DOCK8: variants seen among roughly 807,000 people sequenced by gnomAD.
DOCK8 encodes the protein dedicator of cytokinesis protein 8.
Under a neutral mutation model 245.6 loss-of-function variants are expected in DOCK8, and 141 were observed. That is an observed-to-expected ratio of 0.57 (90% confidence interval 0.50 to 0.66). The LOEUF (loss-of-function observed/expected upper bound fraction) is 0.66, where lower values mean the gene tolerates loss of function less well. Among genes scored for constraint, DOCK8 ranks in the 30% least tolerant of loss-of-function variants. DOCK8 has a pLI of 0.00. For missense variants in DOCK8, 2,965 were observed against 2,603.4 expected, an observed-to-expected ratio of 1.14 and a Z score of -3.02; for synonymous variants, 1,168 against 970.2, an observed-to-expected ratio of 1.20 and a Z score of -3.79.
At chr9:277,540 C>T (rs2048409151) in intron 2 of DOCK8, among the ~76,000 whole-genome samples, 1 of 140,804 alleles carries the variant, frequency 7.1e-6, no homozygotes, top group Admixed American at 7.1e-5. Flanking sequence ...GACCCTGTCT[C>T]AGAGGAAAGG....
At chr9:295,881 A>G (rs1020853275) in intron 4 of DOCK8, among the ~76,000 whole-genome samples, 2 of 152,236 alleles carry the variant, frequency 1.3e-5, no homozygotes, top group African/African-American at 4.8e-5. Flanking sequence ...TAATTGAGAC[A>G]TTTAAATCAT....
intron 40 of DOCK8, among the ~76,000 whole-genome samples, chr9:439,922 G>A (rs536739560): frequency 5.9e-5 from 9 of 152,232 alleles, no homozygotes; most frequent in South Asian, 4.2e-4. Context: ...TCTGGTTAAC[G>A]TAATCTGGAT....
At chr9:376,871 T>C (rs1034686919) in intron 19 of DOCK8, 106 bp from the exon 20 acceptor site, 3 of 1,018,996 alleles carry the variant, frequency 2.9e-6, no homozygotes, top group Admixed American at 2.0e-5. Context: ...TCTGAAACGC[T>C]GGATAAGAGG....
At chr9:403,564 T>C (rs373835540) in intron 26 of DOCK8, among the ~76,000 whole-genome samples, 7 of 152,158 alleles carry the variant, frequency 4.6e-5, no homozygotes, top group African/African-American at 1.7e-4. Context: ...TCTTGTAAAA[T>C]GGCTGAAAAT....
intron 43 of DOCK8, among the ~76,000 whole-genome samples, chr9:444,375 T>C (rs1196125823): frequency 1.0e-5 from 1 of 100,428 alleles, no homozygotes; most frequent in Non-Finnish European, 2.5e-5. Context: ...TTTGGGAGTT[T>C]CTATGATACC....
At chr9:308,453 A>G (rs553818204) in intron 5 of DOCK8, among the ~76,000 whole-genome samples, 3 of 152,378 alleles carry the variant, frequency 2.0e-5, no homozygotes, top group East Asian at 3.9e-4. Context: ...AATGTTTTCA[A>G]TTCCACTCTC....
chr9:360,418 C>G (rs912432471), intron 14 of DOCK8, among the ~76,000 whole-genome samples: 3 of 151,968 alleles, frequency 2.0e-5, no homozygotes, highest in African/African-American at 7.3e-5. Context: ...TTAAGATTTC[C>G]CTAAGCTGGA....
Position 339,249 on chromosome 9 carries a change from A to T in DOCK8, c.1516+150A>T. 3 of 740,088 alleles carry T rather than the reference A, an allele frequency of 4.1e-6. No individual in the cohort carries two copies. The South Asian group carries it at 4.7e-5, about 12-fold the overall frequency. The allele number at this position is 740,088 out of a possible 1,614,324, so 45.8% of individuals were successfully genotyped here. On this transcript the variant is annotated intron_variant, in intron 13 of 47. Coordinates refer to ENST00000432829, the MANE Select transcript of DOCK8 (RefSeq NM_203447.4). ...AGGGGTTAAGAATCTGAATTGTTCT[A>T]TGTCTTTGGCAAACCTATTAATGTT...
intron 1 of DOCK8, among the ~76,000 whole-genome samples, chr9:235,317 G>C (rs914931781): frequency 6.6e-6 from 1 of 152,170 alleles, no homozygotes; most frequent in Non-Finnish European, 1.5e-5. Flanking sequence ...ACTGGGGGGT[G>C]CCTCCCAGTT....
chr9:428,228 C>T, intron 34 of DOCK8, 134 bp from the exon 35 acceptor site: 1 of 1,355,524 alleles, frequency 7.4e-7, no homozygotes, highest in Non-Finnish European at 1.0e-6. Flanking sequence ...TGGATGATAC[C>T]CATGGTGGCT....
rs987257906 is a variant in DOCK8, at chr9:233,469, A to G, written c.53+18440A>G. 4.2e-4 allele frequency among the ~76,000 whole-genome samples: 64 copies of G among 152,162 alleles called. 1 individual carries two copies. The highest frequency in any genetic ancestry group is 4.1e-3 in the South Asian group (20 of 4,824). On this transcript the variant is annotated intron_variant, in intron 1 of 47. Coordinates refer to ENST00000432829, the MANE Select transcript of DOCK8 (RefSeq NM_203447.4). The stretch of plus-strand genomic sequence containing the variant: ...GGTATCCTTGTTGACTTTCTGTCTC[A>G]CTGATCTGTCTAATGTTGACAGTGG...
At chr9:420,119 C>G (rs2056213654) in intron 30 of DOCK8, 3 of 483,346 alleles carry the variant, frequency 6.2e-6, no homozygotes, top group South Asian at 6.1e-5. Context: ...CCAGGCCACA[C>G]TGCTCCTAAG....
At chr9:295,816 C>T (rs534047924) in intron 4 of DOCK8, among the ~76,000 whole-genome samples, 3 of 152,278 alleles carry the variant, frequency 2.0e-5, no homozygotes, top group African/African-American at 7.2e-5. Context: ...GTAATGGCCA[C>T]TTGTGTTCCC....
At chr9:289,482 G>T in intron 3 of DOCK8, 28 bp from the exon 4 acceptor site, 1 of 1,431,996 alleles carries the variant, frequency 7.0e-7, no homozygotes, top group Non-Finnish European at 9.4e-7. Flanking sequence ...CAGTAATAAC[G>T]TGTTTATTTC....
intron 14 of DOCK8, among the ~76,000 whole-genome samples, chr9:356,851 T>A (rs199581823): frequency 3.4e-5 from 5 of 148,746 alleles, no homozygotes; most frequent in African/African-American, 9.8e-5. Context: ...TTGAAAAAAA[T>A]TTCAGTTGGT....
chr9:442,071 T>C, intron 42 of DOCK8, 62 bp downstream of exon 42: 1 of 1,599,822 alleles, frequency 6.3e-7, no homozygotes, highest in Non-Finnish European at 8.5e-7. Flanking sequence ...TTAGAGTGGG[T>C]CATCACCAAA....
intron 30 of DOCK8, among the ~76,000 whole-genome samples, chr9:418,687 G>A (rs772137809): frequency 6.6e-6 from 1 of 152,198 alleles, no homozygotes; most frequent in South Asian, 2.1e-4. Context: ...AGTCAGAAAG[G>A]GTTCTGGCAA....
intron 1 of DOCK8, among the ~76,000 whole-genome samples, chr9:252,569 G>A (rs1222383232): frequency 1.3e-5 from 2 of 151,894 alleles, no homozygotes; most frequent in Non-Finnish European, 2.9e-5. Flanking sequence ...TTGGGAGGCC[G>A]AGGCGGGCAG....
At chr9:294,747 T>C (rs2049182656) in intron 4 of DOCK8, among the ~76,000 whole-genome samples, 1 of 152,206 alleles carries the variant, frequency 6.6e-6, no homozygotes, top group African/African-American at 2.4e-5. Context: ...AGTTGGGTAG[T>C]AGATAAACAA....
Sources: gnomAD v4.1 joint callset for allele counts (sites outside exome capture counted in the v4.1 genomes callset) on GRCh38, gnomAD v4.1.1 for gene constraint, MANE v1.5 for transcripts, NCBI Gene and HGNC (gene_info 2026-07-23, HGNC 2026-07-21) for gene names.